Variants in MYO16 observed in about 807,000 individuals in gnomAD.
MYO16 encodes unconventional myosin-XVI.
In MYO16, 94 loss-of-function variants were observed where a neutral mutation model predicts 205.3. That is an observed-to-expected ratio of 0.46 (90% CI 0.39 to 0.54). The LOEUF is 0.54. Among genes scored for constraint, MYO16 ranks in the 20% least tolerant of loss-of-function variants. MYO16 has a pLI of 0.00. For missense variants in MYO16, 2,315 were observed against 2,387.5 expected (o/e 0.97, Z 0.63); for synonymous variants, 988 against 954.0 (o/e 1.04, Z -0.66).
At chr13:108,497,790 G>A in the MYO16 span, among the ~76,000 whole-genome samples, 1 of 152,184 alleles carries the variant, frequency 6.6e-6, no homozygotes, top group Non-Finnish European at 1.5e-5. Context: ...AGCCCCACCT[G>A]CTGCTGTGCT....
At chr13:108,547,513 T>C in the MYO16 span, among the ~76,000 whole-genome samples, 2 of 152,110 alleles carry the variant, frequency 1.3e-5, no homozygotes, top group African/African-American at 4.8e-5. Context: ...ATGTGTACCA[T>C]TGGGTTTTGA....
At chr13:109,113,820 C>T (rs1257795176) in intron 28 of MYO16, among the ~76,000 whole-genome samples, 1 of 152,062 alleles carries the variant, frequency 6.6e-6, no homozygotes, top group African/African-American at 2.4e-5. Context: ...AGGGAACACC[C>T]AGGTAGATGG....
chr13:108,748,515 CT>C (rs1260099556), intron 4 of MYO16, among the ~76,000 whole-genome samples: 1 of 151,792 alleles, frequency 6.6e-6, no homozygotes, highest in South Asian at 2.1e-4. Context: ...CATAAATAAA[CT>C]AAAAATAGGA....
chr13:109,014,709 A>T (rs1885742507), intron 22 of MYO16, among the ~76,000 whole-genome samples: 1 of 151,950 alleles, frequency 6.6e-6, no homozygotes, highest in South Asian at 2.1e-4. Flanking sequence ...ATTCCTAGGT[A>T]TTTTATTCTC....
rs143336558 is a variant in MYO16 at position 108,669,922 on chromosome 13, G to A, written c.292+3773G>A. Among the ~76,000 whole-genome samples, 331 of 152,120 alleles carry A rather than the reference G, an allele frequency of 2.2e-3. 5 individuals carry two copies. Among genetic ancestry groups the A allele is most frequent in the Admixed American group, 0.017 (258 of 15,278 alleles). On this transcript the variant is annotated intron_variant, in intron 2 of 34. Transcript: ENST00000457511. ...GGAACATCACACACTGGGGCCTGTC[G>A]GGGGATGGGTGGTAACGGGAGGGAG... is the stretch of plus-strand genomic sequence containing the variant.
At chr13:109,006,326 G>A (rs1432090513) in intron 21 of MYO16, among the ~76,000 whole-genome samples, 1 of 152,000 alleles carries the variant, frequency 6.6e-6, no homozygotes, top group Non-Finnish European at 1.5e-5. Flanking sequence ...TGCAACCTTC[G>A]CCTCCCAGGT....
At chr13:108,847,847 T>G (rs2139080781) in intron 10 of MYO16, among the ~76,000 whole-genome samples, 1 of 152,182 alleles carries the variant, frequency 6.6e-6, no homozygotes, top group East Asian at 1.9e-4. Context: ...TCCTGGGTTT[T>G]TTCATTTTTT....
At chr13:109,117,795 C>G (rs935279773) in intron 28 of MYO16, among the ~76,000 whole-genome samples, 1 of 152,056 alleles carries the variant, frequency 6.6e-6, no homozygotes, top group African/African-American at 2.4e-5. Context: ...TGCCAATGAC[C>G]AGCTCAATAA....
intron 27 of MYO16, among the ~76,000 whole-genome samples, chr13:109,075,741 G>A (rs1002985016): frequency 1.3e-5 from 2 of 152,086 alleles, no homozygotes; most frequent in Admixed American, 6.6e-5. Flanking sequence ...GTTCAGGTAT[G>A]TTGCATAAAT....
intron 3 of MYO16, among the ~76,000 whole-genome samples, chr13:108,723,378 TA>T (rs1344503905): frequency 6.6e-6 from 1 of 152,202 alleles, no homozygotes; most frequent in Non-Finnish European, 1.5e-5. Context: ...AATTTGCTAA[TA>T]TTTCCCCTGA....
chr13:109,038,884 G>A (rs1886797464), intron 23 of MYO16, among the ~76,000 whole-genome samples: 2 of 152,090 alleles, frequency 1.3e-5, no homozygotes, highest in Admixed American at 6.5e-5. Flanking sequence ...GATTCTAAAT[G>A]GATATTTTTC....
At chr13:109,045,915 C>T (rs144354334) in intron 23 of MYO16, among the ~76,000 whole-genome samples, 1 of 152,292 alleles carries the variant, frequency 6.6e-6, no homozygotes, top group East Asian at 1.9e-4. Context: ...ATGGGTGACA[C>T]TCAAATGTCC....
chr13:109,029,271 T>C (rs967345015), intron 23 of MYO16, among the ~76,000 whole-genome samples: 1 of 151,946 alleles, frequency 6.6e-6, no homozygotes, highest in Non-Finnish European at 1.5e-5. Context: ...TCCACCATCA[T>C]GCCCAGCTAA....
intron 2 of MYO16, among the ~76,000 whole-genome samples, chr13:108,707,550 C>T (rs1055488009): frequency 4.6e-5 from 7 of 152,086 alleles, no homozygotes; most frequent in African/African-American, 9.7e-5. Context: ...CTGATTATTC[C>T]GGATCCATGT....
intron 15 of MYO16, among the ~76,000 whole-genome samples, chr13:108,905,422 C>T (rs867241372): frequency 1.3e-5 from 2 of 152,230 alleles, no homozygotes; most frequent in South Asian, 2.1e-4. Context: ...ACACTGGCCT[C>T]GGTGCATCTT....
rs576365918 is a variant in MYO16, at chr13:109,140,916, G to A, written c.4704G>A (p.Gln1568=). ...SPLSPQYSKS[Q]KGDGDRPASP... Reference sequence around the variant, plus strand: ...TGTCCCCGCAGTACTCCAAGAGCCAGAAGGGCGACGGCGACAGGCCCGCGT... The same window carrying A: ...TGTCCCCGCAGTACTCCAAGAGCCAAAAGGGCGACGGCGACAGGCCCGCGT... The change falls in exon 32 of 35, where the codon CAG becomes CAA. Residue 1568 remains glutamine, a synonymous_variant. Coordinates refer to ENST00000457511, the MANE Select transcript of MYO16 (RefSeq NM_001198950.3). The surrounding 1 kb of genome is among the most constrained non-coding windows in gnomAD (Gnocchi z 8.0). 2.5e-6 allele frequency: 4 copies of A among 1,574,264 alleles called. No individual in the cohort carries two copies. The highest frequency in any genetic ancestry group is 2.3e-5 in the South Asian group (2 of 86,888).
chr13:108,543,415 C>T, the MYO16 span, among the ~76,000 whole-genome samples: 11 of 151,746 alleles, frequency 7.2e-5, no homozygotes, highest in African/African-American at 2.4e-4. Context: ...AAGGCCGAGG[C>T]GGATGGATCA....
intron 21 of MYO16, among the ~76,000 whole-genome samples, chr13:108,996,597 C>G (rs1309284830): frequency 6.6e-6 from 1 of 152,140 alleles, no homozygotes; most frequent in Non-Finnish European, 1.5e-5. Context: ...CAAATTGCTT[C>G]AAATGAGTCC....
chr13:109,079,387 GTTT>G (rs34736383), intron 27 of MYO16, among the ~76,000 whole-genome samples: 8 of 150,346 alleles, frequency 5.3e-5, no homozygotes, highest in African/African-American at 1.7e-4. Flanking sequence ...TACTGTATGG[GTTT>G]TTTTTTTTTA....
Sources: allele counts gnomAD v4.1 joint callset (sites outside exome capture counted in the v4.1 genomes callset), GRCh38; gene constraint gnomAD v4.1.1; non-coding constraint Gnocchi (gnomAD v3.1); transcripts MANE v1.5; gene names NCBI Gene and HGNC (gene_info 2026-07-23, HGNC 2026-07-21).